The following KAZN variants were observed in gnomAD, a reference collection of about 807,000 sequenced individuals.
The protein encoded by KAZN is kazrin, periplakin interacting protein, also known as kazrin.
Under a neutral mutation model 87.4 loss-of-function variants are expected in KAZN, and 40 were observed. The ratio of observed to expected loss-of-function variants is 0.46; its 90% CI spans 0.36 to 0.60. The LOEUF (loss-of-function observed/expected upper bound fraction) is 0.60, where lower values mean the gene tolerates loss of function less well. Ranked by LOEUF, KAZN falls within the 20% of genes least tolerant of loss-of-function variation. The pLI is 0.00. For missense variants in KAZN, 898 were observed against 1,073.9 expected (o/e 0.84, Z 2.29); for synonymous variants, 466 against 458.3 (o/e 1.02, Z -0.22).
intron 1 of KAZN, among the ~76,000 whole-genome samples, chr1:14,104,685 A>T (rs565266307): frequency 6.6e-6 from 1 of 152,332 alleles, no homozygotes; most frequent in South Asian, 2.1e-4. Context: ...ATAAAGTTTA[A>T]TATCAACCTC....
intron 1 of KAZN, among the ~76,000 whole-genome samples, chr1:14,802,785 A>T (rs560565114): frequency 1.4e-4 from 22 of 152,280 alleles, no homozygotes; most frequent in Admixed American, 2.0e-4. Context: ...GATTAACAGG[A>T]CAAGGAGCCT....
chr1:14,160,437 A>G (rs2101823888), intron 1 of KAZN, among the ~76,000 whole-genome samples: 1 of 152,298 alleles, frequency 6.6e-6, no homozygotes, highest in Middle Eastern at 3.4e-3. Flanking sequence ...CCACTGCTGC[A>G]GGGAGGAGGG....
intron 8 of KAZN, among the ~76,000 whole-genome samples, chr1:15,083,993 T>A (rs1243293076): frequency 6.6e-6 from 1 of 152,190 alleles, no homozygotes; most frequent in East Asian, 1.9e-4. Context: ...AGCCTTCACT[T>A]CCCATCTGAA....
chr1:14,279,266 G>A (rs1243822838), intron 2 of KAZN, among the ~76,000 whole-genome samples: 1 of 152,150 alleles, frequency 6.6e-6, no homozygotes, highest in Non-Finnish European at 1.5e-5. Flanking sequence ...TCACCAATCA[G>A]ATAAGACACT....
At chr1:14,584,629 C>A (rs910451822) in intron 2 of KAZN, among the ~76,000 whole-genome samples, 1 of 148,940 alleles carries the variant, frequency 6.7e-6, no homozygotes, top group African/African-American at 2.5e-5. Flanking sequence ...CCTCAGTGTG[C>A]AATTGCATTT....
chr1:14,844,558 C>T (rs1362462668), intron 1 of KAZN, among the ~76,000 whole-genome samples: 3 of 152,174 alleles, frequency 2.0e-5, no homozygotes, highest in Non-Finnish European at 4.4e-5. Flanking sequence ...TGCAGGCATC[C>T]CTTTGGGCAC....
chr1:14,186,303 C>T (rs1302140108), intron 2 of KAZN, among the ~76,000 whole-genome samples: 2 of 152,044 alleles, frequency 1.3e-5, no homozygotes, highest in Admixed American at 1.3e-4. Context: ...GTAACAAAAT[C>T]ATGTAAGGAA....
intron 2 of KAZN, among the ~76,000 whole-genome samples, chr1:15,001,187 C>T (rs969461771): frequency 6.6e-6 from 1 of 150,728 alleles, no homozygotes; most frequent in Admixed American, 6.6e-5. Context: ...CATGCCTGGG[C>T]GTGGTGGTTC....
chr1:14,391,201 C>T (rs1662393204), intron 2 of KAZN, among the ~76,000 whole-genome samples: 1 of 152,182 alleles, frequency 6.6e-6, no homozygotes, highest in African/African-American at 2.4e-5. Context: ...GCAGCTGTGC[C>T]ACACTCCCTG....
chr1:14,454,897 T>A (rs1181095201), intron 2 of KAZN, among the ~76,000 whole-genome samples: 1 of 152,216 alleles, frequency 6.6e-6, no homozygotes, highest in Non-Finnish European at 1.5e-5. Flanking sequence ...AATCTGGGTG[T>A]GGCTCAATGG....
At chr1:14,482,804 T>C (rs1390441775) in intron 2 of KAZN, among the ~76,000 whole-genome samples, 2 of 152,152 alleles carry the variant, frequency 1.3e-5, no homozygotes, top group African/African-American at 4.8e-5. Flanking sequence ...ACTAAGCACA[T>C]GGTCCCCATG....
intron 2 of KAZN, among the ~76,000 whole-genome samples, chr1:14,574,428 T>C (rs1386332972): frequency 1.3e-5 from 2 of 152,306 alleles, no homozygotes; most frequent in Admixed American, 6.5e-5. Context: ...AATAGAATCA[T>C]GGAGGCGATT....
intron 1 of KAZN, among the ~76,000 whole-genome samples, chr1:14,713,475 G>C (rs79648416): frequency 3.3e-5 from 5 of 151,066 alleles, no homozygotes; most frequent in African/African-American, 2.5e-5. Context: ...GGCTCCCAGT[G>C]GGGGGTGATT....
intron 1 of KAZN, among the ~76,000 whole-genome samples, chr1:13,938,983 A>G (rs1243397372): frequency 6.6e-6 from 1 of 152,034 alleles, no homozygotes; most frequent in Non-Finnish European, 1.5e-5. Context: ...TGCCCACAAA[A>G]CCATTCTTTC....
intron 1 of KAZN, among the ~76,000 whole-genome samples, chr1:14,834,322 C>T (rs1355318881): frequency 2.0e-5 from 3 of 150,540 alleles, no homozygotes; most frequent in Non-Finnish European, 4.4e-5. Context: ...AGGTGTGAGC[C>T]ACTATGCCTG....
rs190509814 is a variant in KAZN, at chr1:14,488,574, T to G, written c.250-110409T>G. Among the ~76,000 whole-genome samples, 583 of 152,274 alleles carry G rather than the reference T, an allele frequency of 3.8e-3. 3 individuals carry two copies. Among genetic ancestry groups the G allele is most frequent in the Admixed American group, 3.2e-3 (49 of 15,304 alleles). ...TCATAGGCTCAGTCTGAGGATTCAG[T>G]GAAAGAGCACAATTAAAGCATTTAG... On this transcript the variant is annotated intron_variant, in intron 2 of 16. Transcript: ENST00000636203.
intron 2 of KAZN, among the ~76,000 whole-genome samples, chr1:14,289,043 G>A (rs1297177429): frequency 6.6e-6 from 1 of 152,182 alleles, no homozygotes; most frequent in Non-Finnish European, 1.5e-5. Context: ...TGTGGTCTGT[G>A]AGACATTTTG....
In KAZN at chr1:13,910,304, C is replaced by T. The variant is rs186140347; in HGVS notation, c.91+16548C>T. Among the ~76,000 whole-genome samples, 30 of 152,066 alleles carry T rather than the reference C, an allele frequency of 2.0e-4. No homozygotes were observed. In the South Asian group the frequency reaches 2.9e-3, roughly 15 times the overall value. On this transcript the variant is annotated intron_variant, in intron 1 of 16. Coordinates refer to the KAZN transcript ENST00000636203. Reference sequence around the variant, plus strand: ...TGAGTGGATCACGAGGTCAGGAGATCGAGACCATCCTGGCCAACATGGTGA... The same window carrying T: ...TGAGTGGATCACGAGGTCAGGAGATTGAGACCATCCTGGCCAACATGGTGA...
intron 2 of KAZN, among the ~76,000 whole-genome samples, chr1:14,336,809 G>A (rs1557647668): frequency 6.6e-6 from 1 of 152,026 alleles, no homozygotes; most frequent in Non-Finnish European, 1.5e-5. Flanking sequence ...TTGTCTCTTT[G>A]TTGAATTATA....
Sources: gnomAD v4.1 joint callset for allele counts (sites outside exome capture counted in the v4.1 genomes callset) on GRCh38, gnomAD v4.1.1 for gene constraint, MANE v1.5 for transcripts, NCBI Gene and HGNC (gene_info 2026-07-23, HGNC 2026-07-21) for gene names.